Variants in UBE2B observed in about 807,000 individuals in gnomAD.
The protein encoded by UBE2B is ubiquitin conjugating enzyme E2 B.
A neutral mutation model predicts 24.6 loss-of-function variants in UBE2B; 11 were observed. The observed-to-expected ratio is 0.45, with a 90% CI of 0.28 to 0.74. The LOEUF (loss-of-function observed/expected upper bound fraction) is 0.74. UBE2B is among the 30% of genes least tolerant of loss of function. The pLI, the probability that UBE2B is intolerant of heterozygous loss-of-function variation, is 0.13. For synonymous variants in UBE2B, 68 were observed against 62.4 expected (o/e 1.09, Z -0.42); for missense variants, 78 against 185.6 (o/e 0.42, Z 3.37).
At chr5:134,383,473 CTTTTTTTTTTTTTT>C (rs747399191) in intron 4 of UBE2B, among the ~76,000 whole-genome samples, 4 of 80,032 alleles carry the variant, frequency 5.0e-5, no homozygotes, top group Non-Finnish European at 9.5e-5. Flanking sequence ...CCATACCCAG[CTTTTTTTTTTTTTT>C]TTTTTTTTTT....
chr5:134,377,006 T>C (rs2149690873), intron 3 of UBE2B, among the ~76,000 whole-genome samples: 1 of 152,286 alleles, frequency 6.6e-6, no homozygotes, highest in African/African-American at 2.4e-5. Flanking sequence ...ACCAGAAGAG[T>C]AAATCATGCT....
intron 4 of UBE2B, chr5:134,385,603 G>A (rs978288055): frequency 6.6e-6 from 1 of 151,878 alleles, no homozygotes; most frequent in Non-Finnish European, 1.5e-5. Flanking sequence ...AAAAAGGGAA[G>A]AACCCTCCCA....
intron 2 of UBE2B, 34 bp from the exon 3 acceptor site, chr5:134,376,635 A>C (rs753576387): frequency 6.2e-7 from 1 of 1,609,352 alleles, no homozygotes; most frequent in South Asian, 1.1e-5. Context: ...CAGAATGAGA[A>C]ACTTCTTTTA....
chr5:134,374,196 A>C (rs1758555361), intron 1 of UBE2B, among the ~76,000 whole-genome samples, 187 bp from the exon 2 acceptor site: 1 of 152,188 alleles, frequency 6.6e-6, no homozygotes, highest in Non-Finnish European at 1.5e-5. Flanking sequence ...TAATTTGGAG[A>C]GGTATTTAAT....
intron 2 of UBE2B, 155 bp downstream of exon 2, chr5:134,374,618 G>A: frequency 1.1e-6 from 1 of 893,020 alleles, no homozygotes; most frequent in Non-Finnish European, 1.7e-6. Context: ...ATTTCAATTA[G>A]AGTTTTGGCC....
chr5:134,385,907 G>A (rs1374131750), intron 4 of UBE2B, among the ~76,000 whole-genome samples: 2 of 152,082 alleles, frequency 1.3e-5, no homozygotes, highest in Non-Finnish European at 2.9e-5. Context: ...CACCTACTTG[G>A]GAGGCTGAGG....
intron 3 of UBE2B, among the ~76,000 whole-genome samples, 184 bp downstream of exon 3, chr5:134,376,878 G>T (rs1758618460): frequency 1.3e-5 from 2 of 152,076 alleles, no homozygotes; most frequent in African/African-American, 4.8e-5. Flanking sequence ...ACCTCCATTG[G>T]TAACCAATAT....
chr5:134,376,322 CAAAAAAAAAA>C (rs1176500916), intron 2 of UBE2B, among the ~76,000 whole-genome samples: 4 of 7,458 alleles, frequency 5.4e-4, no homozygotes, highest in Non-Finnish European at 5.0e-4. Context: ...AACTCCGTCT[CAAAAAAAAAA>C]AAAAAAAAAA....
intron 3 of UBE2B, among the ~76,000 whole-genome samples, chr5:134,379,346 T>C (rs1758665399): frequency 6.6e-6 from 1 of 152,178 alleles, no homozygotes; most frequent in South Asian, 2.1e-4. Flanking sequence ...GAAAAAGCTA[T>C]TCAAATACTA....
At chr5:134,384,874 G>GT (rs762673422) in intron 4 of UBE2B, among the ~76,000 whole-genome samples, 11 of 120,296 alleles carry the variant, frequency 9.1e-5, no homozygotes, top group Admixed American at 5.6e-4. Flanking sequence ...TCAGTCCTAG[G>GT]TAAGTGTTAC....
intron 2 of UBE2B, 76 bp downstream of exon 2, chr5:134,374,539 G>A: frequency 6.9e-7 from 1 of 1,442,646 alleles, no homozygotes; most frequent in Non-Finnish European, 9.5e-7. Flanking sequence ...AACTGTCTAG[G>A]AAAAGAAACT....
At position 134,384,545 on chromosome 5, in the gene UBE2B, G is replaced by GATATAAAT. The variant is rs1215109166; in HGVS notation, c.241+3741_241+3748dup. On this transcript the variant is annotated intron_variant, in intron 4 of 5. Transcript: ENST00000265339. ...GGGAAAGACTGTAGAATGAGTAAGG[G>GATATAAAT]ATATAAATATAGGGTTATCACTTAA... 1.9e-4 allele frequency among the ~76,000 whole-genome samples: 29 copies of GATATAAAT among 152,204 alleles called. 1 individual carries two copies. The highest frequency in any genetic ancestry group is 1.3e-3 in the Admixed American group (20 of 15,278).
intron 3 of UBE2B, 24 bp from the exon 4 acceptor site, chr5:134,380,695 A>G (rs372022135): frequency 7.4e-6 from 10 of 1,345,964 alleles, no homozygotes; most frequent in East Asian, 4.6e-5. Flanking sequence ...TGTCTTTACT[A>G]TAATTATTTT....
rs1206993709 is a variant in UBE2B, at chr5:134,376,340, A to ATATATATATATATATATATATATAT, written c.126-329_126-328insTATATATATATATATATATATATAT. 5.1e-4 allele frequency among the ~76,000 whole-genome samples: 3 copies of ATATATATATATATATATATATATAT among 5,922 alleles called. 1 individual carries two copies. The highest frequency in any genetic ancestry group is 5.4e-3 in the Admixed American group (2 of 370). The allele number at this position is 5,922 out of a possible 152,430, so 3.9% of individuals were successfully genotyped here. A position where few individuals can be genotyped will look rare whatever the true frequency, so the allele number is the denominator to read the frequency against. Reference sequence around the variant, plus strand: ...TCCGTCTCAAAAAAAAAAAAAAAAAAAAAAAAAAATATATATATATATATA... The same window carrying ATATATATATATATATATATATATAT: ...TCCGTCTCAAAAAAAAAAAAAAAAAATATATATATATATATATATATATATAAAAAAAAATATATATATATATATA... On this transcript the variant is annotated intron_variant, in intron 2 of 5. Coordinates refer to ENST00000265339, the MANE Select transcript of UBE2B (RefSeq NM_003337.4).
chr5:134,381,426 TTTTG>T (rs1399607324), intron 4 of UBE2B, among the ~76,000 whole-genome samples: 2 of 152,144 alleles, frequency 1.3e-5, no homozygotes, highest in Non-Finnish European at 2.9e-5. Context: ...CAGCTAATTT[TTTTG>T]TTTGTTTTCT....
intron 4 of UBE2B, 149 bp from the exon 5 acceptor site, chr5:134,388,176 G>A: frequency 1.5e-6 from 1 of 664,134 alleles, no homozygotes; most frequent in Non-Finnish European, 2.6e-6. Flanking sequence ...AGAGACCTTA[G>A]TTTTAAGACA....
intron 4 of UBE2B, chr5:134,385,626 T>A (rs1259594985): frequency 6.6e-6 from 1 of 152,182 alleles, no homozygotes; most frequent in Non-Finnish European, 1.5e-5. Flanking sequence ...TGTTCAGGAC[T>A]TTTGATACCT....
Position 134,390,485 on chromosome 5 carries a change from T to C in UBE2B, c.*132T>C. On this transcript the variant is annotated 3_prime_UTR_variant, in exon 6 of 6. Transcript: ENST00000265339. This position sits in a 1 kb window ranked among gnomAD's most constrained non-coding sequence, Gnocchi z 4.6. The stretch of plus-strand genomic sequence containing the variant: ...AAAAAAAGAAAAAAGTCCTTCAGTT[T>C]AGAACCTACAAAAGCTTGTGTATCT... 1 of 1,088,640 alleles carries C rather than the reference T, an allele frequency of 9.2e-7. No individual in the cohort carries two copies. The highest frequency in any genetic ancestry group is 1.3e-6 in the Non-Finnish European group (1 of 754,556). The allele number at this position is 1,088,640 out of a possible 1,614,324, so 67.4% of individuals were successfully genotyped here. A position where few individuals can be genotyped will look rare whatever the true frequency, so the allele number is the denominator to read the frequency against.
chr5:134,379,696 A>G (rs1372745810), intron 3 of UBE2B, among the ~76,000 whole-genome samples: 1 of 151,640 alleles, frequency 6.6e-6, no homozygotes, highest in Non-Finnish European at 1.5e-5. Context: ...CCTTTTTTCA[A>G]GTACATATTT....
Sources: allele counts gnomAD v4.1 joint callset (sites outside exome capture counted in the v4.1 genomes callset), GRCh38; gene constraint gnomAD v4.1.1; non-coding constraint Gnocchi (gnomAD v3.1); transcripts MANE v1.5; gene names NCBI Gene and HGNC (gene_info 2026-07-23, HGNC 2026-07-21).